Variants in FGR observed in about 807,000 individuals in gnomAD.
FGR encodes tyrosine-protein kinase Fgr.
Under a neutral mutation model 63.2 loss-of-function variants are expected in FGR, and 26 were observed. That is an observed-to-expected ratio of 0.41 (90% CI 0.30 to 0.57). The LOEUF (loss-of-function observed/expected upper bound fraction) is 0.57, where lower values mean the gene tolerates loss of function less well. Ranked by LOEUF, FGR falls within the 20% of genes least tolerant of loss-of-function variation. FGR has a pLI of 0.27. For synonymous variants in FGR, 286 were observed against 277.7 expected (o/e 1.03, Z -0.30); for missense variants, 511 against 690.8 (o/e 0.74, Z 2.92).
At chr1:27,627,265 T>TA (rs1557738656) in intron 1 of FGR, among the ~76,000 whole-genome samples, 2 of 149,134 alleles carry the variant, frequency 1.3e-5, no homozygotes, top group Admixed American at 1.3e-4. Flanking sequence ...ACCATGCTGA[T>TA]ACCCAGATCC....
At chr1:27,626,143 T>C in intron 1 of FGR, 1 of 398,620 alleles carries the variant, frequency 2.5e-6, no homozygotes, top group Non-Finnish European at 4.4e-6. Context: ...GAGCCAACCC[T>C]TTTCTGGCAG....
chr1:27,624,197 G>A, intron 2 of FGR: 1 of 411,460 alleles, frequency 2.4e-6, no homozygotes, highest in Non-Finnish European at 4.3e-6. Flanking sequence ...TTGGGATATT[G>A]CTATGCTTAT....
chr1:27,623,789 G>A lies in FGR; in HGVS notation c.128C>T (p.Pro43Leu), dbSNP rs754846513. 6.2e-7 allele frequency: 1 copy of A among 1,614,248 alleles called. No homozygotes were observed. Among genetic ancestry groups the A allele is most frequent in the South Asian group, 1.1e-5 (1 of 91,088 alleles). The change falls in exon 3 of 13, where the codon CCT becomes CTT. Residue 43 changes from proline (P) to leucine (L), a missense_variant. Coordinates refer to ENST00000374005, the MANE Select transcript of FGR (RefSeq NM_005248.3). ...HYGPDPTKAR[P>L]ASSFAHIPNY... is the part of the protein sequence containing the mutation. The stretch of plus-strand genomic sequence containing the variant: ...GGGGATGTGGGCAAATGAGGATGCA[G>A]GCCGGGCCTTAGTGGGGTCAGGCCC...
rs370126738 is a variant in FGR, at chr1:27,612,907, G to A, written c.*7C>T. ...CCACCGCCAGAGAGGGTTGATGCCC[G>A]GACAGGCTATGTCTGATCCCCGGGC... On this transcript the variant is annotated 3_prime_UTR_variant, in exon 13 of 13. Transcript: ENST00000374005. 41 of 1,610,324 alleles carry A rather than the reference G, an allele frequency of 2.5e-5. No individual in the cohort carries two copies. The highest frequency in any genetic ancestry group is 2.5e-4 in the East Asian group (11 of 44,780).
At chr1:27,629,201 G>A (rs2090069691) in intron 1 of FGR, among the ~76,000 whole-genome samples, 1 of 151,810 alleles carries the variant, frequency 6.6e-6, no homozygotes, top group Admixed American at 6.6e-5. Flanking sequence ...CTGGTAAACT[G>A]ACTCTCAAAA....
chr1:27,614,919 C>T lies in FGR; in HGVS notation c.1026G>A (p.Leu342=), dbSNP rs369648234. Reference sequence around the variant, plus strand: ...CCTCTGGGTTCTTGAGAAAATCCAGCAAGCTGCCTGGGAAGAAGCCAGAAA... The same window carrying T: ...CCTCTGGGTTCTTGAGAAAATCCAGTAAGCTGCCTGGGAAGAAGCCAGAAA... ...IVTEFMCHGS[L]LDFLKNPEGQ... The change falls in exon 10 of 13, where the codon TTG becomes TTA. Residue 342 remains leucine, a synonymous_variant. Coordinates refer to ENST00000374005, the MANE Select transcript of FGR (RefSeq NM_005248.3). 1.2e-4 allele frequency: 188 copies of T among 1,597,368 alleles called. No individual in the cohort carries two copies. Among genetic ancestry groups the T allele is most frequent in the Admixed American group, 1.5e-4 (9 of 58,420 alleles).
chr1:27,616,873 C>G lies in FGR; in HGVS notation c.666G>C (p.Leu222=). Residue 222 remains leucine (L), a synonymous_variant, in exon 7 of 13, where the codon CTG becomes CTC. Transcript: ENST00000374005. The surrounding 1 kb of genome is among the most constrained non-coding windows in gnomAD (Gnocchi z 4.3). ...TRVQFNSVQE[L]VQHYMEVNDG... Reference sequence around the variant, plus strand: ...TGCCCTCACCCATGTAGTGCTGCACCAGCTCCTGCACCGAGTTGAACTGAA... The same window carrying G: ...TGCCCTCACCCATGTAGTGCTGCACGAGCTCCTGCACCGAGTTGAACTGAA... 6.2e-7 allele frequency: 1 copy of G among 1,614,192 alleles called. No individual in the cohort carries two copies. Among genetic ancestry groups the G allele is most frequent in the African/African-American group, 1.3e-5 (1 of 75,024 alleles).
chr1:27,623,133 T>G lies in FGR; in HGVS notation c.238A>C (p.Thr80Pro). 1 of 1,613,746 alleles carries G rather than the reference T, an allele frequency of 6.2e-7. No homozygotes were observed. The highest frequency in any genetic ancestry group is 2.2e-5 in the East Asian group (1 of 44,882). The change falls in exon 4 of 13, where the codon ACC becomes CCC. Residue 80 changes from threonine to proline, a missense_variant. By Grantham distance (38) the Thr-to-Pro change is conservative. Coordinates refer to ENST00000374005, the MANE Select transcript of FGR (RefSeq NM_005248.3). ...TAGTCATACAGGGCAATGAACAGGG[T>G]CACCCCAATCCCTGCAGAGTCAGGG... is the stretch of plus-strand genomic sequence containing the variant. Reference protein sequence around the residue: ...TIRGVSGIGVTLFIALYDYEA... With the variant: ...TIRGVSGIGVPLFIALYDYEA...
At chr1:27,622,952 G>A in intron 4 of FGR, 90 bp downstream of exon 4, 1 of 892,802 alleles carries the variant, frequency 1.1e-6, no homozygotes, top group Admixed American at 1.8e-5. Flanking sequence ...CTAGGCTGGA[G>A]CATTCTGAGG....
chr1:27,628,127 G>A (rs185258780), intron 1 of FGR, among the ~76,000 whole-genome samples: 44 of 148,952 alleles, frequency 3.0e-4, no homozygotes, highest in African/African-American at 1.0e-3. Context: ...GGTGGCTTAC[G>A]CCTGTCACTG....
chr1:27,628,516 T>TACACACACAC (rs56021900), intron 1 of FGR, among the ~76,000 whole-genome samples: 56 of 91,306 alleles, frequency 6.1e-4, no homozygotes, highest in African/African-American at 2.2e-3. Flanking sequence ...CATGTAGGGA[T>TACACACACAC]ACACACACAC....
chr1:27,633,383 A>G (rs1306270330), intron 1 of FGR, among the ~76,000 whole-genome samples: 1 of 152,160 alleles, frequency 6.6e-6, no homozygotes, highest in African/African-American at 2.4e-5. Context: ...GGCCCCTGAG[A>G]GTACACACCC....
chr1:27,632,248 T>C (rs1383012704), intron 1 of FGR, among the ~76,000 whole-genome samples: 1 of 151,934 alleles, frequency 6.6e-6, no homozygotes, highest in African/African-American at 2.4e-5. Flanking sequence ...GCAATTCTCC[T>C]GCCTCAGCCT....
At chr1:27,628,238 C>G (rs1197880893) in intron 1 of FGR, among the ~76,000 whole-genome samples, 1 of 151,830 alleles carries the variant, frequency 6.6e-6, no homozygotes, top group African/African-American at 2.4e-5. Context: ...TGGCACGTGC[C>G]TCGAGAGGCT....
chr1:27,614,314 T>C, intron 11 of FGR, 116 bp downstream of exon 11: 1 of 1,209,412 alleles, frequency 8.3e-7, no homozygotes. Flanking sequence ...TCATACTACA[T>C]CAGGATGGGG....
At chr1:27,632,245 T>G (rs1407409549) in intron 1 of FGR, among the ~76,000 whole-genome samples, 1 of 151,862 alleles carries the variant, frequency 6.6e-6, no homozygotes, top group Non-Finnish European at 1.5e-5. Context: ...CAAGCAATTC[T>G]CCTGCCTCAG....
At chr1:27,633,009 C>T (rs1410427142) in intron 1 of FGR, among the ~76,000 whole-genome samples, 3 of 152,152 alleles carry the variant, frequency 2.0e-5, no homozygotes, top group Non-Finnish European at 4.4e-5. Context: ...CAGAGATCAC[C>T]CAAACATCCA....
In FGR at chr1:27,612,677, A is replaced by C; in HGVS notation, c.*237T>G. On this transcript the variant is annotated 3_prime_UTR_variant, in exon 13 of 13. Coordinates refer to ENST00000374005, the MANE Select transcript of FGR (RefSeq NM_005248.3). ...AAGGCTACAGGCATGTAGGGGCCTA[A>C]GTGGAAAAGGAAGAAATAGTGCTTG... The C allele has an allele frequency of 1.9e-6, 1 of 529,552 alleles. No homozygotes were observed. The highest frequency in any genetic ancestry group is 3.4e-6 in the Non-Finnish European group (1 of 294,164). 32.8% of individuals were successfully genotyped at this position (529,552 alleles called of 1,614,324 possible).
intron 1 of FGR, among the ~76,000 whole-genome samples, chr1:27,628,525 A>G (rs1413552700): frequency 1.5e-5 from 2 of 133,720 alleles, no homozygotes; most frequent in Non-Finnish European, 3.1e-5. Flanking sequence ...ATACACACAC[A>G]CACACACACA....
Sources: gnomAD v4.1 joint callset for allele counts (sites outside exome capture counted in the v4.1 genomes callset) on GRCh38, gnomAD v4.1.1 for gene constraint, Gnocchi (gnomAD v3.1) non-coding constraint, MANE v1.5 for transcripts, NCBI Gene and HGNC (gene_info 2026-07-23, HGNC 2026-07-21) for gene names.